FHIT: variants seen among roughly 807,000 people sequenced by gnomAD.
The protein encoded by FHIT is bis(5'-adenosyl)-triphosphatase.
Under a neutral mutation model 17.9 loss-of-function variants are expected in FHIT, and 19 were observed. That is an observed-to-expected ratio of 1.06 (90% CI 0.74 to 1.56). The LOEUF is 1.56. Among genes scored for constraint, FHIT ranks in the 40% most tolerant of loss-of-function variants. The probability of loss-of-function intolerance (pLI) is 0.00; values close to 1 mark genes in which losing one functional copy is unlikely to be tolerated. For missense variants in FHIT, 248 were observed against 189.2 expected (o/e 1.31, Z -1.82); for synonymous variants, 81 against 69.7 (o/e 1.16, Z -0.81).
chr3:60,367,398 G>C (rs1336893946), intron 5 of FHIT, among the ~76,000 whole-genome samples: 2 of 152,126 alleles, frequency 1.3e-5, no homozygotes, highest in Admixed American at 6.5e-5. Context: ...GAATTTTCTA[G>C]AGAATGCACT....
intron 3 of FHIT, among the ~76,000 whole-genome samples, chr3:60,996,079 T>C (rs973971497): frequency 3.3e-5 from 5 of 152,234 alleles, no homozygotes; most frequent in African/African-American, 9.6e-5. Flanking sequence ...ACTGTGATAA[T>C]TGTGGGCTTA....
intron 5 of FHIT, among the ~76,000 whole-genome samples, chr3:60,136,740 G>A (rs565853847): frequency 3.9e-5 from 6 of 152,282 alleles, no homozygotes; most frequent in Non-Finnish European, 7.4e-5. Flanking sequence ...CCCACGAAAT[G>A]AGTTGGGGGC....
At chr3:61,036,354 C>T (rs60593254) in intron 3 of FHIT, among the ~76,000 whole-genome samples, 2,872 of 152,204 alleles carry the variant, frequency 0.019, 90 homozygotes, top group Admixed American at 0.075. Context: ...GGCCCCACCT[C>T]CAACACTGGG....
intron 3 of FHIT, among the ~76,000 whole-genome samples, chr3:60,931,177 A>T (rs1707930621): frequency 6.6e-6 from 1 of 151,694 alleles, no homozygotes; most frequent in Non-Finnish European, 1.5e-5. Context: ...GAACACATGG[A>T]CACAGGAAGG....
intron 4 of FHIT, among the ~76,000 whole-genome samples, chr3:60,651,050 T>G (rs1553688151): frequency 6.6e-6 from 1 of 152,192 alleles, no homozygotes; most frequent in Non-Finnish European, 1.5e-5. Context: ...CATTAAAAAC[T>G]ATTTATAAAC....
intron 5 of FHIT, among the ~76,000 whole-genome samples, chr3:60,486,251 TA>T (rs2033835057): frequency 6.6e-6 from 1 of 152,174 alleles, no homozygotes; most frequent in Admixed American, 6.5e-5. Context: ...GAATTTCCAA[TA>T]AAAAATTTTA....
chr3:61,234,690 T>A (rs1329772372), intron 1 of FHIT, among the ~76,000 whole-genome samples: 1 of 152,262 alleles, frequency 6.6e-6, no homozygotes, highest in Non-Finnish European at 1.5e-5. Flanking sequence ...TTTATTTTCT[T>A]GTGCAGTTGG....
At chr3:60,348,022 G>C (rs1710884445) in intron 5 of FHIT, among the ~76,000 whole-genome samples, 1 of 152,030 alleles carries the variant, frequency 6.6e-6, no homozygotes, top group African/African-American at 2.4e-5. Flanking sequence ...GCCTCCCAAA[G>C]TTCTGGGATT....
chr3:60,212,712 A>G (rs115562047), intron 5 of FHIT, among the ~76,000 whole-genome samples: 3,952 of 152,296 alleles, frequency 0.026, 71 homozygotes, highest in Middle Eastern at 0.082. Flanking sequence ...TGCAAGGCAT[A>G]TGAAATATCA....
At chr3:60,103,137 C>G (rs370356544) in intron 5 of FHIT, among the ~76,000 whole-genome samples, 39 of 152,158 alleles carry the variant, frequency 2.6e-4, no homozygotes, top group Non-Finnish European at 5.0e-4. Context: ...CCTCTCTGGG[C>G]AGCTCTCTCT....
intron 3 of FHIT, among the ~76,000 whole-genome samples, chr3:60,917,475 G>T (rs1707066190): frequency 6.6e-6 from 1 of 152,186 alleles, no homozygotes; most frequent in Admixed American, 6.5e-5. Context: ...TACTGGTTTT[G>T]CTCATAATTA....
At chr3:60,949,695 C>T (rs1303598673) in intron 3 of FHIT, among the ~76,000 whole-genome samples, 1 of 152,128 alleles carries the variant, frequency 6.6e-6, no homozygotes. Context: ...AATTCCTCTT[C>T]CCGGTCTCTG....
intron 2 of FHIT, among the ~76,000 whole-genome samples, chr3:61,099,845 T>A (rs533723203): frequency 6.6e-6 from 1 of 152,246 alleles, no homozygotes; most frequent in East Asian, 1.9e-4. Flanking sequence ...ATTTTATTAT[T>A]AATAATTCTT....
At chr3:61,116,678 A>C (rs1213524519) in intron 2 of FHIT, among the ~76,000 whole-genome samples, 2 of 151,622 alleles carry the variant, frequency 1.3e-5, no homozygotes, top group Non-Finnish European at 3.0e-5. Context: ...ATGAGGATAC[A>C]AACACAGAAA....
chr3:60,705,913 ATATAT>A (rs2041361152), intron 4 of FHIT, among the ~76,000 whole-genome samples: 1 of 152,202 alleles, frequency 6.6e-6, no homozygotes, highest in Non-Finnish European at 1.5e-5. Flanking sequence ...TTGAATAAGA[ATATAT>A]TATAACTATA....
chr3:59,866,588 G>T (rs141342490), intron 8 of FHIT, among the ~76,000 whole-genome samples: 66 of 152,270 alleles, frequency 4.3e-4, no homozygotes, highest in African/African-American at 1.5e-3. Context: ...GGACCTGGAA[G>T]AGAGTTGCAG....
Position 60,786,333 on chromosome 3 carries a change from C to A in FHIT, c.-18+35586G>T, listed in dbSNP as rs928355299. On this transcript the variant is annotated intron_variant, in intron 4 of 9. Transcript: ENST00000492590. ...AAGTAACTTATGGAAATGAAAAAAT[C>A]TTTTAAGTTTTATAATCTTGCTTTA... Among the ~76,000 whole-genome samples the A allele has an allele frequency of 4.7e-4, 71 of 152,248 alleles. 2 individuals are homozygous for A. The highest frequency in any genetic ancestry group is 1.5e-3 in the African/African-American group (64 of 41,558).
chr3:60,600,619 C>T (rs1450304731), intron 4 of FHIT, among the ~76,000 whole-genome samples: 1 of 152,260 alleles, frequency 6.6e-6, no homozygotes, highest in South Asian at 2.1e-4. Context: ...CCTAATCCAA[C>T]CCTACACACA....
chr3:60,122,479 A>G (rs1029822456), intron 5 of FHIT, among the ~76,000 whole-genome samples: 1 of 152,164 alleles, frequency 6.6e-6, no homozygotes, highest in African/African-American at 2.4e-5. Flanking sequence ...ACGTCTTGGA[A>G]CTCGAACAGG....
Sources: allele counts gnomAD v4.1 joint callset (sites outside exome capture counted in the v4.1 genomes callset), GRCh38; gene constraint gnomAD v4.1.1; transcripts MANE v1.5; gene names NCBI Gene and HGNC (gene_info 2026-07-23, HGNC 2026-07-21).